The following ACYP2 variants were observed in gnomAD, a reference collection of about 807,000 sequenced individuals.
ACYP2 encodes the protein acylphosphatase-2.
In ACYP2, 12 loss-of-function variants were observed where a neutral mutation model predicts 11.2. The observed-to-expected ratio is 1.08, with a 90% CI of 0.69 to 1.74. The LOEUF is 1.74. Ranked by LOEUF, ACYP2 falls within the 40% of genes most tolerant of loss-of-function variation. The pLI is 0.00. For synonymous variants in ACYP2, 43 were observed against 32.2 expected (o/e 1.33, Z -1.13); for missense variants, 134 against 101.9 (o/e 1.31, Z -1.35).
At chr2:54,024,064 T>C (rs180964955) in intron 2 of ACYP2, among the ~76,000 whole-genome samples, 1 of 152,202 alleles carries the variant, frequency 6.6e-6, no homozygotes, top group Admixed American at 6.5e-5. Context: ...GCTAACTGAA[T>C]CTAACAGCAT....
intron 6 of ACYP2, among the ~76,000 whole-genome samples, chr2:54,179,438 C>A (rs184841081): frequency 1.3e-5 from 2 of 151,990 alleles, no homozygotes; most frequent in Non-Finnish European, 2.9e-5. Flanking sequence ...GGCAAGTCGG[C>A]GGAGTAAAGT....
At chr2:54,139,337 T>C (rs1177578315) in intron 6 of ACYP2, among the ~76,000 whole-genome samples, 1 of 152,248 alleles carries the variant, frequency 6.6e-6, no homozygotes, top group Non-Finnish European at 1.5e-5. Context: ...ATTTATCTAA[T>C]TGTAATTTTA....
chr2:54,011,877 C>CTA (rs1673391393), intron 2 of ACYP2, among the ~76,000 whole-genome samples: 1 of 152,060 alleles, frequency 6.6e-6, no homozygotes, highest in Non-Finnish European at 1.5e-5. Context: ...TCTCTTCTAG[C>CTA]TTTTAGGTTG....
intron 6 of ACYP2, among the ~76,000 whole-genome samples, chr2:54,184,971 G>T (rs572610084): frequency 6.6e-6 from 1 of 151,720 alleles, no homozygotes; most frequent in Admixed American, 6.6e-5. Flanking sequence ...TCAGCCTCCC[G>T]AGTAGCTGGG....
At chr2:54,102,213 A>C (rs1295203156) in intron 4 of ACYP2, among the ~76,000 whole-genome samples, 1 of 152,216 alleles carries the variant, frequency 6.6e-6, no homozygotes, top group Non-Finnish European at 1.5e-5. Flanking sequence ...AACACTGGGT[A>C]TTACTATTTT....
At chr2:53,988,194 A>G (rs544277741) in intron 2 of ACYP2, among the ~76,000 whole-genome samples, 2 of 152,200 alleles carry the variant, frequency 1.3e-5, no homozygotes, top group South Asian at 4.1e-4. Context: ...TCAAGACTTC[A>G]TGTCATATTA....
chr2:53,972,623 C>T (rs1440250088), intron 1 of ACYP2, among the ~76,000 whole-genome samples: 1 of 151,936 alleles, frequency 6.6e-6, no homozygotes, highest in Non-Finnish European at 1.5e-5. Context: ...AAAAAAGAGT[C>T]ACTCTGGCTT....
chr2:54,218,677 AGTC>A (rs1558621309), intron 6 of ACYP2, among the ~76,000 whole-genome samples: 1 of 147,622 alleles, frequency 6.8e-6, no homozygotes, highest in Non-Finnish European at 1.5e-5. Context: ...AGAGGTAGTC[AGTC>A]TAGGGGTGGT....
chr2:53,993,221 C>T (rs1025823220), intron 2 of ACYP2, among the ~76,000 whole-genome samples: 1 of 151,942 alleles, frequency 6.6e-6, no homozygotes, highest in Non-Finnish European at 1.5e-5. Context: ...TGCTTTGTTT[C>T]GCTTTCTCAG....
At chr2:54,269,781 TTTTA>T (rs1319988977) in intron 6 of ACYP2, among the ~76,000 whole-genome samples, 2 of 152,358 alleles carry the variant, frequency 1.3e-5, no homozygotes, top group East Asian at 3.9e-4. Context: ...TCCACCTCAA[TTTTA>T]TTTATAGAAA....
rs548771090 is a variant in ACYP2, at chr2:54,117,676, C to G, written c.278-17777C>G. ...TTGAATTATCCTTGTATTTGGTACT[C>G]TAGAGGTTTTTACACTTTGGTGCAG... is the stretch of plus-strand genomic sequence containing the variant. On this transcript the variant is annotated intron_variant, in intron 4 of 6. Coordinates refer to ENST00000607452, the MANE Select transcript of ACYP2 (RefSeq NM_001320586.2). 2.6e-5 allele frequency among the ~76,000 whole-genome samples: 4 copies of G among 152,232 alleles called. No homozygotes were observed. The East Asian group carries it at 7.7e-4, about 29-fold the overall frequency.
chr2:54,291,438 T>A (rs1689299530), intron 6 of ACYP2, among the ~76,000 whole-genome samples: 1 of 152,214 alleles, frequency 6.6e-6, no homozygotes, highest in Non-Finnish European at 1.5e-5. Context: ...AAGCTCTTGT[T>A]AACTGAATAA....
At chr2:54,281,599 T>C (rs1001246431) in intron 6 of ACYP2, among the ~76,000 whole-genome samples, 5 of 152,200 alleles carry the variant, frequency 3.3e-5, no homozygotes, top group Non-Finnish European at 5.9e-5. Context: ...GAAACCCTTA[T>C]GCTCAATTTT....
In ACYP2 at chr2:54,304,824, C is replaced by A. The variant is rs774144693; in HGVS notation, c.*22C>A. ...CTAATAGAAGAGAAAAATTGTAACACACTGAACAATAGATACTGTATGTTC... is the reference window on the plus strand; with the variant it reads ...CTAATAGAAGAGAAAAATTGTAACAAACTGAACAATAGATACTGTATGTTC... On this transcript the variant is annotated 3_prime_UTR_variant, in exon 7 of 7. Transcript: ENST00000607452. 7.5e-7 allele frequency: 1 copy of A among 1,332,980 alleles called. No homozygotes were observed. The highest frequency in any genetic ancestry group is 1.7e-5 in the Admixed American group (1 of 58,512). 82.6% of individuals were successfully genotyped at this position (1,332,980 alleles called of 1,614,324 possible).
At chr2:54,091,634 C>G (rs1353706071) in intron 4 of ACYP2, among the ~76,000 whole-genome samples, 3 of 152,022 alleles carry the variant, frequency 2.0e-5, no homozygotes, top group Non-Finnish European at 4.4e-5. Context: ...GCATCAGCCT[C>G]CTGAGTAGCT....
chr2:54,285,549 C>T (rs1037745316), intron 6 of ACYP2, among the ~76,000 whole-genome samples: 1 of 152,358 alleles, frequency 6.6e-6, no homozygotes, highest in South Asian at 2.1e-4. Context: ...GTGTCCAAAA[C>T]AGAACACTCA....
At chr2:54,271,281 A>G (rs116599844) in intron 6 of ACYP2, among the ~76,000 whole-genome samples, 97 of 152,366 alleles carry the variant, frequency 6.4e-4, no homozygotes, top group African/African-American at 2.3e-3. Context: ...ATGTAGGCAT[A>G]GTTTCTATAA....
At chr2:54,262,377 T>G (rs149698733) in intron 6 of ACYP2, among the ~76,000 whole-genome samples, 109 of 152,364 alleles carry the variant, frequency 7.2e-4, no homozygotes, top group African/African-American at 2.2e-3. Flanking sequence ...AGTAATACGT[T>G]TTAAATGCAA....
intron 6 of ACYP2, among the ~76,000 whole-genome samples, chr2:54,205,739 C>A (rs1685049616): frequency 6.6e-6 from 1 of 152,148 alleles, no homozygotes; most frequent in Admixed American, 6.5e-5. Flanking sequence ...TACTCCTCCC[C>A]TCTACCCCTC....
Sources: gnomAD v4.1 joint callset for allele counts (sites outside exome capture counted in the v4.1 genomes callset) on GRCh38, gnomAD v4.1.1 for gene constraint, MANE v1.5 for transcripts, NCBI Gene and HGNC (gene_info 2026-07-23, HGNC 2026-07-21) for gene names.